Variants in PTPRN2 observed in about 807,000 individuals in gnomAD.
PTPRN2 encodes the protein receptor-type tyrosine-protein phosphatase N2.
PTPRN2 carries 74 observed loss-of-function variants against 118.8 expected under a neutral mutation model. The observed-to-expected ratio is 0.62, with a 90% confidence interval of 0.52 to 0.76. The LOEUF (loss-of-function observed/expected upper bound fraction) is 0.76, where lower values mean the gene tolerates loss of function less well. Ranked by LOEUF, PTPRN2 falls within the 30% of genes least tolerant of loss-of-function variation. The probability of loss-of-function intolerance (pLI) is 0.00; values close to 1 mark genes in which losing one functional copy is unlikely to be tolerated. For missense variants in PTPRN2, 1,481 were observed against 1,394.4 expected, an observed-to-expected ratio of 1.06 and a Z score of -0.99; for synonymous variants, 641 against 608.0, an observed-to-expected ratio of 1.05 and a Z score of -0.80.
At chr7:157,655,763 G>A (rs895250444) in intron 14 of PTPRN2, among the ~76,000 whole-genome samples, 25 of 152,236 alleles carry the variant, frequency 1.6e-4, no homozygotes, top group African/African-American at 4.8e-4. Flanking sequence ...AATAACACCC[G>A]GACATTCATT....
intron 17 of PTPRN2, among the ~76,000 whole-genome samples, chr7:157,579,724 GAAACTT>G (rs2150530502): frequency 6.6e-6 from 1 of 152,310 alleles, no homozygotes; most frequent in Non-Finnish European, 1.5e-5. Flanking sequence ...AAATCCAAAT[GAAACTT>G]AATTTAAACA....
At chr7:157,654,004 A>C (rs1017021353) in intron 14 of PTPRN2, among the ~76,000 whole-genome samples, 3 of 33,046 alleles carry the variant, frequency 9.1e-5, no homozygotes, top group Non-Finnish European at 1.1e-4. Context: ...CCCCACACCC[A>C]CCCCGACTCC....
chr7:157,847,756 T>C (rs1446821090), intron 12 of PTPRN2, among the ~76,000 whole-genome samples: 4 of 140,868 alleles, frequency 2.8e-5, no homozygotes, highest in African/African-American at 1.1e-4. Flanking sequence ...TCTCACTCCA[T>C]CATGCGTGCC....
intron 12 of PTPRN2, among the ~76,000 whole-genome samples, chr7:157,807,396 G>T (rs1305348742): frequency 1.3e-5 from 2 of 152,216 alleles, no homozygotes; most frequent in Admixed American, 1.3e-4. Flanking sequence ...GGTTCAGAGA[G>T]CAGGAATAGC....
In PTPRN2 at chr7:157,861,172, A is replaced by G. The variant is rs1223996117; in HGVS notation, c.1788+37501T>C. Among the ~76,000 whole-genome samples the G allele has an allele frequency of 6.6e-6, 1 of 152,180 alleles. No homozygotes were observed. Among genetic ancestry groups the G allele is most frequent in the Non-Finnish European group, 1.5e-5 (1 of 68,034 alleles). ...CCTCCAGGGATGTGCCAGCTCAGGGAGGCACCCTGTGCGTGCTCCATGGTG... is the reference window on the plus strand; with the variant it reads ...CCTCCAGGGATGTGCCAGCTCAGGGGGGCACCCTGTGCGTGCTCCATGGTG... On this transcript the variant is annotated intron_variant, in intron 12 of 22. Coordinates refer to ENST00000389418, the MANE Select transcript of PTPRN2 (RefSeq NM_002847.5). This position sits in a 1 kb window ranked among gnomAD's most constrained non-coding sequence, Gnocchi z 5.8.
chr7:157,748,397 G>A (rs1265363184), intron 12 of PTPRN2, among the ~76,000 whole-genome samples: 2 of 150,024 alleles, frequency 1.3e-5, no homozygotes, highest in African/African-American at 2.5e-5. Context: ...TGAGGCCTGC[G>A]TCCCTGAGCT....
chr7:158,046,074 G>C (rs1354766948), intron 11 of PTPRN2, among the ~76,000 whole-genome samples: 1 of 143,616 alleles, frequency 7.0e-6, no homozygotes, highest in African/African-American at 2.6e-5. Context: ...CTGCAATCCT[G>C]GTGTCCTGAC....
At chr7:158,240,778 G>A (rs1463552627) in intron 3 of PTPRN2, among the ~76,000 whole-genome samples, 2 of 152,184 alleles carry the variant, frequency 1.3e-5, no homozygotes, top group African/African-American at 4.8e-5. Flanking sequence ...CTTTACCCTT[G>A]CTAGATCTTA....
At chr7:157,670,387 C>T (rs866698306) in intron 13 of PTPRN2, among the ~76,000 whole-genome samples, 4 of 152,084 alleles carry the variant, frequency 2.6e-5, no homozygotes, top group Middle Eastern at 6.8e-3. Flanking sequence ...CTCCTGATAA[C>T]ATCAGATTGA....
At chr7:158,380,278 C>T (rs1810869957) in intron 2 of PTPRN2, among the ~76,000 whole-genome samples, 1 of 152,228 alleles carries the variant, frequency 6.6e-6, no homozygotes, top group African/African-American at 2.4e-5. Flanking sequence ...CAAGTCCCTT[C>T]CACCTATGAG....
intron 11 of PTPRN2, among the ~76,000 whole-genome samples, chr7:157,970,645 C>CCCG (rs1554503333): frequency 2.0e-5 from 3 of 150,770 alleles, no homozygotes; most frequent in East Asian, 2.0e-4. Flanking sequence ...GACCCCCCCC[C>CCCG]CCACAGGTTG....
chr7:158,574,499 G>A lies in PTPRN2; in HGVS notation c.112+13059C>T, dbSNP rs1027943268. On this transcript the variant is annotated intron_variant, in intron 1 of 22. Coordinates refer to ENST00000389418, the MANE Select transcript of PTPRN2 (RefSeq NM_002847.5). The surrounding 1 kb of genome is among the most constrained non-coding windows in gnomAD (Gnocchi z 4.6). ...CAGACACTGAGACACTGAGAGGAGG[G>A]GCCACAAGGGGGATGAGGCAGAAGC... Among the ~76,000 whole-genome samples, 10 of 152,082 alleles carry A rather than the reference G, an allele frequency of 6.6e-5. No individual in the cohort carries two copies. Among genetic ancestry groups the A allele is most frequent in the Non-Finnish European group, 1.3e-4 (9 of 68,010 alleles).
intron 2 of PTPRN2, among the ~76,000 whole-genome samples, chr7:158,365,461 TC>T (rs779180426): frequency 1.1e-4 from 16 of 152,124 alleles, no homozygotes; most frequent in Non-Finnish European, 1.9e-4. Context: ...TGACATCGAT[TC>T]CCTGATATTC....
chr7:157,888,646 G>A (rs984028392), intron 12 of PTPRN2, among the ~76,000 whole-genome samples: 6 of 144,236 alleles, frequency 4.2e-5, no homozygotes, highest in African/African-American at 1.5e-4. Context: ...GTCATGTACT[G>A]GCCTACGCGC....
intron 3 of PTPRN2, among the ~76,000 whole-genome samples, chr7:158,310,679 C>A (rs534217159): frequency 6.6e-6 from 1 of 152,074 alleles, no homozygotes; most frequent in East Asian, 1.9e-4. Flanking sequence ...CTGAGCCGGA[C>A]AGAGCGCAAG....
At chr7:158,290,161 G>T (rs1007256910) in intron 3 of PTPRN2, among the ~76,000 whole-genome samples, 1 of 149,802 alleles carries the variant, frequency 6.7e-6, no homozygotes, top group African/African-American at 2.5e-5. Flanking sequence ...TAAGTCTGCA[G>T]AAGTGGTCTT....
At chr7:157,891,615 G>A (rs1796814927) in intron 12 of PTPRN2, among the ~76,000 whole-genome samples, 1 of 151,840 alleles carries the variant, frequency 6.6e-6, no homozygotes, top group Non-Finnish European at 1.5e-5. Flanking sequence ...TTCATGGGGT[G>A]GATGCATGAC....
At chr7:158,464,488 G>A (rs1819244861) in intron 2 of PTPRN2, among the ~76,000 whole-genome samples, 1 of 141,952 alleles carries the variant, frequency 7.0e-6, no homozygotes, top group African/African-American at 2.7e-5. Context: ...TCATTGCCAT[G>A]CCATTTAATA....
In PTPRN2 at chr7:157,780,701, G is replaced by A. The variant is rs528745954; in HGVS notation, c.1789-97764C>T. Reference sequence around the variant, plus strand: ...CAGGGTGGTCACGGGTATTCCCTATGTTGGAATGCATGATGGGGCCACACC... The same window carrying A: ...CAGGGTGGTCACGGGTATTCCCTATATTGGAATGCATGATGGGGCCACACC... On this transcript the variant is annotated intron_variant, in intron 12 of 22. Transcript: ENST00000389418. The surrounding 1 kb of genome is among the most constrained non-coding windows in gnomAD (Gnocchi z 4.5). Among the ~76,000 whole-genome samples, 3 of 152,190 alleles carry A rather than the reference G, an allele frequency of 2.0e-5. No homozygotes were observed. Among genetic ancestry groups the A allele is most frequent in the Non-Finnish European group, 4.4e-5 (3 of 68,042 alleles).
Sources: allele counts gnomAD v4.1 joint callset (sites outside exome capture counted in the v4.1 genomes callset), GRCh38; gene constraint gnomAD v4.1.1; non-coding constraint Gnocchi (gnomAD v3.1); transcripts MANE v1.5; gene names NCBI Gene and HGNC (gene_info 2026-07-23, HGNC 2026-07-21).